Variants in DNAH5 observed in about 807,000 individuals in gnomAD.
DNAH5 encodes the protein dynein axonemal heavy chain 5.
Under a neutral mutation model 518.2 loss-of-function variants are expected in DNAH5, and 372 were observed. The ratio of observed to expected loss-of-function variants is 0.72; its 90% CI spans 0.66 to 0.78. DNAH5 has a LOEUF of 0.78. DNAH5 is among the 30% of genes least tolerant of loss of function. The pLI, the probability that DNAH5 is intolerant of heterozygous loss-of-function variation, is 0.00. For missense variants in DNAH5, 5,523 were observed against 5,687.0 expected, an observed-to-expected ratio of 0.97 and a Z score of 0.93; for synonymous variants, 2,039 against 2,025.9, an observed-to-expected ratio of 1.01 and a Z score of -0.17.
intron 21 of DNAH5, among the ~76,000 whole-genome samples, chr5:13,881,959 A>G (rs1202694765): frequency 6.6e-6 from 1 of 152,128 alleles, no homozygotes; most frequent in Non-Finnish European, 1.5e-5. Context: ...AAGAGGACTC[A>G]AGTAAATAAA....
chr5:13,704,859 G>T (rs999221521), intron 76 of DNAH5, among the ~76,000 whole-genome samples: 3 of 152,196 alleles, frequency 2.0e-5, no homozygotes, highest in Non-Finnish European at 4.4e-5. Flanking sequence ...GGTTACCAGA[G>T]ACTAGAGGGT....
At chr5:13,882,613 G>C in intron 21 of DNAH5, 115 bp downstream of exon 21, 1 of 862,096 alleles carries the variant, frequency 1.2e-6, no homozygotes, top group Non-Finnish European at 1.9e-6. Flanking sequence ...TTGGCTCATA[G>C]ATTAATATTC....
In DNAH5 at chr5:13,913,850, GAA is replaced by G. The variant is rs774493427; in HGVS notation, c.1427_1428del (p.Phe476SerfsTer26). 5 of 1,613,530 alleles carry G rather than the reference GAA, an allele frequency of 3.1e-6. No individual in the cohort carries two copies. Among genetic ancestry groups the G allele is most frequent in the Non-Finnish European group, 4.2e-6 (5 of 1,179,646 alleles). On this transcript the variant is annotated frameshift_variant, in exon 11 of 79. Coordinates refer to ENST00000265104, the MANE Select transcript of DNAH5 (RefSeq NM_001369.3). LOFTEE classifies it high-confidence loss of function. Reference protein sequence around the residue: ...EMYIFGKFETFHRRLAKIIDI... With the variant: ...EMYIFGKFETXHRRLAKIIDI... ...TCTATTATCTTGGCAAGGCGTCGGT[GAA>G]AAGTTTCGAATTTTCCAAAAATATA...
chr5:13,955,726 G>T lies in DNAH5; in HGVS notation c.13-24482C>A, dbSNP rs370748028. Among the ~76,000 whole-genome samples the T allele has an allele frequency of 1.6e-4, 25 of 152,162 alleles. No homozygotes were observed. The East Asian group carries it at 3.5e-3, about 21-fold the overall frequency. ...ACTTTTTTCTCTTTAAGAAAAAAAA[G>T]AAAATTAATAAAATGGAAAACATTT... On this transcript the variant is annotated intron_variant, in intron 1 of 78. Transcript: ENST00000681290.
At position 13,768,995 on chromosome 5, in the gene DNAH5, TTGC is replaced by T; in HGVS notation, c.9859_9861del (p.Ala3287del). On this transcript the variant is annotated inframe_deletion, in exon 58 of 79. Coordinates refer to ENST00000265104, the MANE Select transcript of DNAH5 (RefSeq NM_001369.3). ...GCTTCTGCCTCTTCTAAAGCTGGTT[TTGC>T]TGCTTCCAGTTTTTCTTCAGCAATG... The T allele has an allele frequency of 6.2e-7, 1 of 1,614,218 alleles. No homozygotes were observed. The highest frequency in any genetic ancestry group is 8.5e-7 in the Non-Finnish European group (1 of 1,180,008).
At chr5:13,702,849 C>T (rs537135770) in intron 76 of DNAH5, among the ~76,000 whole-genome samples, 6 of 152,156 alleles carry the variant, frequency 3.9e-5, no homozygotes, top group African/African-American at 1.4e-4. Context: ...GGATGACATA[C>T]CTGAGGCTCA....
At position 13,912,633 on chromosome 5, in the gene DNAH5, A is replaced by G. The variant is rs149986920; in HGVS notation, c.1536+1110T>C. Among the ~76,000 whole-genome samples, 846 of 151,530 alleles carry G rather than the reference A, an allele frequency of 5.6e-3. 11 individuals are homozygous for G. The highest frequency in any genetic ancestry group is 0.019 in the African/African-American group (806 of 41,420). ...TGTAGCTTTTCCATACTTCTTTTAG[A>G]CATTTTATGTAACACTATATACATA... On this transcript the variant is annotated intron_variant, in intron 11 of 78. Coordinates refer to ENST00000265104, the MANE Select transcript of DNAH5 (RefSeq NM_001369.3).
In DNAH5 at chr5:13,870,843, A is replaced by G. The variant is rs748176046; in HGVS notation, c.3758T>C (p.Ile1253Thr). ...LNRPIKDLDDIRIAMAALKEI... is the reference protein window; with the variant it reads ...LNRPIKDLDDTRIAMAALKEI... The stretch of plus-strand genomic sequence containing the variant: ...TTTCAGCGCTGCCATTGCAATCCGA[A>G]TATCATCTAGGTCCTTAATTGGACG... The change falls in exon 24 of 79, where the codon ATT becomes ACT. Residue 1253 changes from isoleucine to threonine, a missense_variant. Coordinates refer to ENST00000265104, the MANE Select transcript of DNAH5 (RefSeq NM_001369.3). 13 of 1,613,698 alleles carry G rather than the reference A, an allele frequency of 8.1e-6. No individual in the cohort carries two copies. The South Asian group carries it at 8.8e-5, about 11-fold the overall frequency.
intron 1 of DNAH5, among the ~76,000 whole-genome samples, chr5:14,007,709 G>C (rs1260011946): frequency 6.6e-6 from 1 of 152,150 alleles, no homozygotes; most frequent in Non-Finnish European, 1.5e-5. Context: ...TGGAAGGCAG[G>C]CCACTGATCT....
chr5:13,929,762 G>A (rs574616443), intron 2 of DNAH5, among the ~76,000 whole-genome samples: 2 of 152,216 alleles, frequency 1.3e-5, no homozygotes, highest in African/African-American at 4.8e-5. Context: ...ACATCCCTGG[G>A]TTCTGACCTT....
chr5:14,000,981 C>T (rs1784313046), intron 1 of DNAH5, among the ~76,000 whole-genome samples: 1 of 152,110 alleles, frequency 6.6e-6, no homozygotes, highest in African/African-American at 2.4e-5. Context: ...GAATGAAATC[C>T]GTCCTTTGCA....
rs2151838342 is a variant in DNAH5 at position 13,830,769 on chromosome 5, G to A, written c.5889C>T (p.Tyr1963=). 1 of 1,614,138 alleles carries A rather than the reference G, an allele frequency of 6.2e-7. No homozygotes were observed. The highest frequency in any genetic ancestry group is 8.5e-7 in the Non-Finnish European group (1 of 1,180,008). The part of the protein sequence containing the change: ...LVITPLTDRC[Y]ITLAQALGMS... ...TTCCCAGAGCTTGAGCCAGCGTGAT[G>A]TAACATCTGCATGGGTAGAAACATC... is the stretch of plus-strand genomic sequence containing the variant. The change falls in exon 36 of 79, where the codon TAC becomes TAT. Residue 1963 remains tyrosine, a synonymous_variant. Transcript: ENST00000265104.
chr5:13,979,244 A>G (rs1782498956), intron 1 of DNAH5, among the ~76,000 whole-genome samples: 1 of 152,058 alleles, frequency 6.6e-6, no homozygotes, highest in African/African-American at 2.4e-5. Context: ...CACCTTCATC[A>G]TGAGGCCTAC....
At chr5:13,778,596 A>AAGAAAG (rs768853052) in intron 53 of DNAH5, among the ~76,000 whole-genome samples, 5,707 of 101,234 alleles carry the variant, frequency 0.056, 271 homozygotes, top group African/African-American at 0.078. Flanking sequence ...GAAAGAAAGA[A>AAGAAAG]AGAGAGAGAG....
At chr5:13,858,908 A>G (rs1580620912) in intron 30 of DNAH5, among the ~76,000 whole-genome samples, 1 of 152,250 alleles carries the variant, frequency 6.6e-6, no homozygotes, top group East Asian at 1.9e-4. Flanking sequence ...AAAAATCTCA[A>G]AATATACTCC....
In DNAH5 at chr5:13,766,130, G is replaced by A; in HGVS notation, c.9947C>T (p.Pro3316Leu). Residue 3316 changes from proline (P) to leucine (L), a missense_variant, in exon 59 of 79, where the codon CCT (proline) becomes CTT (leucine). Physicochemically the swap from Pro to Leu is moderately conservative, Grantham distance 98. Coordinates refer to ENST00000265104, the MANE Select transcript of DNAH5 (RefSeq NM_001369.3). The stretch of plus-strand genomic sequence containing the variant: ...ATCCATGATCCGCATGATGAGGTGA[G>A]GGGGGCGGCCCAACGTGCGAACAGT... The part of the protein sequence containing the change: ...IATVRTLGRP[P>L]HLIMRIMDCV... 2 of 1,614,194 alleles carry A rather than the reference G, an allele frequency of 1.2e-6. No individual in the cohort carries two copies. The highest frequency in any genetic ancestry group is 8.5e-7 in the Non-Finnish European group (1 of 1,180,010).
At chr5:13,737,623 T>G (rs1579982440) in intron 65 of DNAH5, 128 bp from the exon 66 acceptor site, 1 of 1,035,890 alleles carries the variant, frequency 9.7e-7, no homozygotes, top group East Asian at 2.6e-5. Context: ...CTGCAGGAAA[T>G]ATGGACATCA....
At chr5:13,900,845 T>C in intron 14 of DNAH5, 1 of 309,752 alleles carries the variant, frequency 3.2e-6, no homozygotes, top group South Asian at 3.6e-5. Flanking sequence ...AAGAAATACA[T>C]GTATTGGTAG....
At chr5:13,927,564 A>G (rs544746784) in intron 3 of DNAH5, among the ~76,000 whole-genome samples, 1 of 152,316 alleles carries the variant, frequency 6.6e-6, no homozygotes, top group Admixed American at 6.5e-5. Flanking sequence ...ATTTTTCATA[A>G]ATGAGAATGA....
Sources: gnomAD v4.1 joint callset for allele counts (sites outside exome capture counted in the v4.1 genomes callset) on GRCh38, gnomAD v4.1.1 for gene constraint, MANE v1.5 for transcripts, NCBI Gene and HGNC (gene_info 2026-07-23, HGNC 2026-07-21) for gene names.